The following SMARCA4 variants were observed in gnomAD, a reference collection of about 807,000 sequenced individuals.
SMARCA4 encodes the protein SWI/SNF-related matrix-associated actin-dependent regulator of chromatin subfamily A member 4.
In SMARCA4, 31 loss-of-function variants were observed where a neutral mutation model predicts 193.9. The observed-to-expected ratio is 0.16, with a 90% CI of 0.12 to 0.22. SMARCA4 has a LOEUF of 0.22. Among genes scored for constraint, SMARCA4 ranks in the 10% least tolerant of loss-of-function variants. The pLI, the probability that SMARCA4 is intolerant of heterozygous loss-of-function variation, is 1.00. For missense variants in SMARCA4, 1,148 were observed against 2,296.0 expected (o/e 0.50, Z 10.22); for synonymous variants, 942 against 933.1 (o/e 1.01, Z -0.17).
intron 1 of SMARCA4, among the ~76,000 whole-genome samples, chr19:10,964,207 C>T (rs2084032875): frequency 6.6e-6 from 1 of 152,098 alleles, no homozygotes; most frequent in Admixed American, 6.6e-5. Flanking sequence ...CCTCAAAACA[C>T]CAGGAGATAA....
In SMARCA4 at chr19:11,041,439, G is replaced by A. The variant is rs796506759; in HGVS notation, c.4303G>A (p.Asp1435Asn). 11 of 1,612,614 alleles carry A rather than the reference G, an allele frequency of 6.8e-6. No individual in the cohort carries two copies. The highest frequency in any genetic ancestry group is 1.6e-4 in the Middle Eastern group (1 of 6,062). The change falls in exon 30 of 35, where the codon GAC becomes AAC. Residue 1435 changes from aspartate to asparagine, a missense_variant. Around this residue, in one of 17 missense-constraint regions of SMARCA4, gnomAD observed 141 missense variants for 193.0 expected, o/e 0.73. Transcript: ENST00000344626. This position sits in a 1 kb window ranked among gnomAD's most constrained non-coding sequence, Gnocchi z 5.6. ...TTSTRSRDKD[D>N]ESKKQKKRGR... Reference sequence around the variant, plus strand: ...CAGCACCCGCAGCCGCGACAAGGACGACGAGAGCAAGAAGCAGAAGAAGCG... The same window carrying A: ...CAGCACCCGCAGCCGCGACAAGGACAACGAGAGCAAGAAGCAGAAGAAGCG...
chr19:11,054,871 T>C (rs897198881), intron 30 of SMARCA4, among the ~76,000 whole-genome samples: 17 of 152,048 alleles, frequency 1.1e-4, no homozygotes, highest in African/African-American at 3.9e-4. Flanking sequence ...CCCATGGGGG[T>C]GGACTCCCCT....
At chr19:11,017,768 G>A (rs932076189) in intron 16 of SMARCA4, among the ~76,000 whole-genome samples, 1 of 152,266 alleles carries the variant, frequency 6.6e-6, no homozygotes, top group Non-Finnish European at 1.5e-5. Context: ...CTACGGGCCA[G>A]GTCCGGTGGC....
intron 30 of SMARCA4, among the ~76,000 whole-genome samples, chr19:11,052,859 G>C (rs1200465229): frequency 6.6e-6 from 1 of 152,208 alleles, no homozygotes; most frequent in Non-Finnish European, 1.5e-5. Context: ...ACTGGGAAAT[G>C]CTCTGGGTGG....
chr19:11,029,953 G>T, intron 24 of SMARCA4, among the ~76,000 whole-genome samples: 1 of 151,774 alleles, frequency 6.6e-6, no homozygotes, highest in Non-Finnish European at 1.5e-5. Flanking sequence ...TGGGATTACA[G>T]GCATGAGTCA....
chr19:11,037,293 C>T (rs1052419956), intron 29 of SMARCA4, among the ~76,000 whole-genome samples: 3 of 152,196 alleles, frequency 2.0e-5, no homozygotes, highest in Non-Finnish European at 4.4e-5. Flanking sequence ...ATGAGAATTC[C>T]TCTTTCTCTA....
intron 13 of SMARCA4, 85 bp from the exon 14 acceptor site, chr19:11,007,817 G>A (rs2146185633): frequency 6.9e-7 from 1 of 1,453,708 alleles, no homozygotes; most frequent in Admixed American, 1.7e-5. Context: ...AAGATCACTT[G>A]CTTCTGAGAC....
At chr19:11,050,693 TTGTC>T (rs2076209685) in intron 30 of SMARCA4, among the ~76,000 whole-genome samples, 1 of 152,222 alleles carries the variant, frequency 6.6e-6, no homozygotes. Flanking sequence ...ATGAAACAGA[TTGTC>T]TGAATGTTTC....
rs1288420421 is a variant in SMARCA4 at position 11,024,414 on chromosome 19, T to C, written c.3057T>C (p.Thr1019=). The C allele has an allele frequency of 6.2e-7, 1 of 1,612,494 alleles. No individual in the cohort carries two copies. Among genetic ancestry groups the C allele is most frequent in the Non-Finnish European group, 8.5e-7 (1 of 1,179,300 alleles). Residue 1019 remains threonine, a synonymous_variant, in exon 21 of 35, where the codon ACT becomes ACC. Transcript: ENST00000344626. Reference sequence around the variant, plus strand: ...TGCAGGCCAAGGGCGTGCTGCTGACTGATGGCTCCGAGAAGGACAAGAAGG... The same window carrying C: ...TGCAGGCCAAGGGCGTGCTGCTGACCGATGGCTCCGAGAAGGACAAGAAGG... ...RHMQAKGVLL[T]DGSEKDKKGK...
Position 11,060,073 on chromosome 19 carries a change from T to G in SMARCA4, c.4797T>G (p.Leu1599=). ...GGTCCGTCAAAGTGAAGATCAAGCT[T>G]GGCCGGAAGGAGAAGGCACAGGACC... ...ESRSVKVKIK[L]GRKEKAQDRL... Residue 1599 remains leucine, a synonymous_variant, in exon 34 of 35, where the codon CTT becomes CTG. Transcript: ENST00000344626. The G allele has an allele frequency of 6.4e-7, 1 of 1,555,346 alleles. No homozygotes were observed. Among genetic ancestry groups the G allele is most frequent in the Non-Finnish European group, 8.7e-7 (1 of 1,149,352 alleles).
chr19:11,028,517 T>G (rs552584514), intron 24 of SMARCA4, among the ~76,000 whole-genome samples: 1 of 152,308 alleles, frequency 6.6e-6, no homozygotes, highest in African/African-American at 2.4e-5. Context: ...ACTGCCACCT[T>G]GCCACAGGTC....
rs17001090 is a variant in SMARCA4 at position 11,008,035 on chromosome 19, C to T, written c.2123+12C>T. On this transcript the variant is annotated intron_variant, in intron 14 of 34. Transcript: ENST00000344626. ...CGGCACATCATTGAGTAAGGGGTCCCGACACAGGTTGTTCTGTGCCAGCTT... is the reference window on the plus strand; with the variant it reads ...CGGCACATCATTGAGTAAGGGGTCCTGACACAGGTTGTTCTGTGCCAGCTT... 0.037 allele frequency: 59,045 copies of T among 1,610,904 alleles called. 1,371 individuals carry two copies. The highest frequency in any genetic ancestry group is 0.044 in the Non-Finnish European group (51,771 of 1,178,230).
chr19:11,049,970 C>T (rs1038155611), intron 30 of SMARCA4, among the ~76,000 whole-genome samples: 2 of 152,168 alleles, frequency 1.3e-5, no homozygotes, highest in African/African-American at 4.8e-5. Context: ...GGCATGGTGG[C>T]ACTCGCCTGT....
chr19:10,982,793 C>T (rs1328066877), intron 1 of SMARCA4, among the ~76,000 whole-genome samples: 2 of 152,076 alleles, frequency 1.3e-5, no homozygotes, highest in African/African-American at 2.4e-5. Flanking sequence ...CGTGAGCCAC[C>T]GCGCCTGGCC....
chr19:11,040,696 T>A (rs769384387), intron 29 of SMARCA4: 1 of 152,142 alleles, frequency 6.6e-6, no homozygotes, highest in Non-Finnish European at 1.5e-5. Flanking sequence ...ATGGGAGCAC[T>A]GCTTGAGACC....
intron 24 of SMARCA4, among the ~76,000 whole-genome samples, chr19:11,028,751 T>C (rs926021008): frequency 6.6e-6 from 1 of 152,214 alleles, no homozygotes; most frequent in African/African-American, 2.4e-5. Flanking sequence ...GTGAGACATG[T>C]CTGTCAGTCC....
At chr19:11,053,391 T>C (rs1529727) in intron 30 of SMARCA4, among the ~76,000 whole-genome samples, 1 of 149,610 alleles carries the variant, frequency 6.7e-6, no homozygotes, top group Non-Finnish European at 1.5e-5. Context: ...GGCGGAGGTT[T>C]CAGTAAGCCA....
rs1003149388 is a variant in SMARCA4, at chr19:11,059,761, A to G, written c.4644A>G (p.Glu1548=). 3.8e-6 allele frequency: 6 copies of G among 1,574,656 alleles called. No homozygotes were observed. The Admixed American group carries it at 1.1e-4, about 30-fold the overall frequency. Residue 1548 remains glutamate (E), a synonymous_variant, in exon 33 of 35, where the codon GAA becomes GAG. Transcript: ENST00000344626. ...CTGGTGTCTCTGCCCAGATCTATGA[A>G]GACTCCATCGTCTTGCAGTCGGTCT... is the stretch of plus-strand genomic sequence containing the variant. ...TFNLEGSLIY[E]DSIVLQSVFT... is the part of the protein sequence containing the mutation.
At chr19:11,053,340 C>T (rs750527058) in intron 30 of SMARCA4, among the ~76,000 whole-genome samples, 3 of 151,054 alleles carry the variant, frequency 2.0e-5, no homozygotes, top group Non-Finnish European at 2.9e-5. Context: ...GTAAGTTAGC[C>T]GGGCATGGTG....
Sources: gnomAD v4.1 joint callset for allele counts (sites outside exome capture counted in the v4.1 genomes callset) on GRCh38, gnomAD v4.1.1 for gene constraint, gnomAD v4.1.1 regional missense constraint, Gnocchi (gnomAD v3.1) non-coding constraint, MANE v1.5 for transcripts, NCBI Gene and HGNC (gene_info 2026-07-23, HGNC 2026-07-21) for gene names.